ACOX3: variants seen among roughly 807,000 people sequenced by gnomAD.
The protein encoded by ACOX3 is acyl-CoA oxidase 3, pristanoyl, also known as peroxisomal acyl-coenzyme A oxidase 3.
Under a neutral mutation model 81.5 loss-of-function variants are expected in ACOX3, and 73 were observed. The observed-to-expected ratio is 0.90, with a 90% CI of 0.74 to 1.09. ACOX3 has a LOEUF of 1.09. ACOX3 is among the 50% of genes least tolerant of loss of function. The probability of loss-of-function intolerance (pLI) is 0.00; values close to 1 mark genes in which losing one functional copy is unlikely to be tolerated. For synonymous variants in ACOX3, 387 were observed against 375.1 expected (o/e 1.03, Z -0.37); for missense variants, 947 against 928.0 (o/e 1.02, Z -0.27).
rs374436186 is a variant in ACOX3 at position 8,402,738 on chromosome 4, T to C, written c.777-3086A>G. 1.1e-4 allele frequency among the ~76,000 whole-genome samples: 17 copies of C among 152,322 alleles called. No individual in the cohort carries two copies. The East Asian group carries it at 2.5e-3, about 22-fold the overall frequency. ...TGTGCGTGTGTCACAGGTGTGTGTG[T>C]GCACAGCACAGGAGTTGTGTGTGTG... On this transcript the variant is annotated intron_variant, in intron 7 of 17. Transcript: ENST00000356406.
rs1393582899 is a variant in ACOX3 at position 8,375,172 on chromosome 4, C to T, written c.1654-20G>A. On this transcript the variant is annotated intron_variant, in intron 14 of 17. Transcript: ENST00000356406. ...GGACACCTGGAACACAGGACGGCACCGTGAGGACCGTGAGGGTCCCAGCCC... is the reference window on the plus strand; with the variant it reads ...GGACACCTGGAACACAGGACGGCACTGTGAGGACCGTGAGGGTCCCAGCCC... 1.5e-5 allele frequency: 22 copies of T among 1,511,036 alleles called. No individual in the cohort carries two copies. The Admixed American group carries it at 2.6e-4, about 18-fold the overall frequency. 93.6% of individuals were successfully genotyped at this position (1,511,036 alleles called of 1,614,324 possible).
intron 14 of ACOX3, among the ~76,000 whole-genome samples, chr4:8,379,675 C>T (rs557451543): frequency 3.9e-5 from 6 of 152,288 alleles, no homozygotes; most frequent in East Asian, 3.9e-4. Context: ...AAGGACCTAC[C>T]GGGCAGTTCT....
At chr4:8,397,458 C>G (rs956311050) in intron 8 of ACOX3, among the ~76,000 whole-genome samples, 1 of 152,208 alleles carries the variant, frequency 6.6e-6, no homozygotes, top group South Asian at 2.1e-4. Context: ...CAAGGCCCAC[C>G]TTTAACCTTG....
At chr4:8,413,736 CCATCTGTGGCCCGTCTCACTGCA>C (rs1722040055) in intron 5 of ACOX3, among the ~76,000 whole-genome samples, 1 of 152,196 alleles carries the variant, frequency 6.6e-6, no homozygotes, top group Non-Finnish European at 1.5e-5. Flanking sequence ...CCCAGGGCAT[CCATCTGTGGCCCGTCTCACTGCA>C]CCACACCAGA....
rs771884142 is a variant in ACOX3 at position 8,414,961 on chromosome 4, G to C, written c.379-33C>G. Reference sequence around the variant, plus strand: ...TATAACATCGTCCTATCAACAGGGGGCAGGTAAGAAGAGTACTGCTCTTCC... The same window carrying C: ...TATAACATCGTCCTATCAACAGGGGCCAGGTAAGAAGAGTACTGCTCTTCC... On this transcript the variant is annotated intron_variant, in intron 3 of 17. Coordinates refer to ENST00000356406, the MANE Select transcript of ACOX3 (RefSeq NM_003501.3). The surrounding 1 kb of genome is among the most constrained non-coding windows in gnomAD (Gnocchi z 6.1). 6.9e-6 allele frequency: 11 copies of C among 1,601,612 alleles called. No individual in the cohort carries two copies. In the Admixed American group the frequency reaches 1.8e-4, roughly 27 times the overall value.
chr4:8,389,699 G>A lies in ACOX3; in HGVS notation c.1336C>T (p.Pro446Ser), dbSNP rs1718734845. The change falls in exon 12 of 18, where the codon CCC becomes TCC. Residue 446 changes from proline (P) to serine (S), a missense_variant. Pro to Ser is a moderately conservative substitution (Grantham distance 74). Coordinates refer to ENST00000356406, the MANE Select transcript of ACOX3 (RefSeq NM_003501.3). This position sits in a 1 kb window ranked among gnomAD's most constrained non-coding sequence, Gnocchi z 5.3. ...RLGVLRDDND[P>S]NCTYEGDNNI... is the part of the protein sequence containing the mutation. ...TTGTCACCTTCGTATGTGCAGTTGG[G>A]ATCGTTGTCATCTCTAAGGACACCC... 1.2e-6 allele frequency: 2 copies of A among 1,613,940 alleles called. No homozygotes were observed. The highest frequency in any genetic ancestry group is 3.3e-5 in the Admixed American group (2 of 59,994).
chr4:8,363,494 C>A (rs941718929), downstream of ACOX3, among the ~76,000 whole-genome samples: 1 of 152,178 alleles, frequency 6.6e-6, no homozygotes, highest in African/African-American at 2.4e-5. Context: ...GGACCCTATT[C>A]ACCCTGAAGA....
In ACOX3 at chr4:8,415,803, T is replaced by A; in HGVS notation, c.341A>T (p.Asp114Val). 6.2e-7 allele frequency: 1 copy of A among 1,613,530 alleles called. No individual in the cohort carries two copies. The highest frequency in any genetic ancestry group is 8.5e-7 in the Non-Finnish European group (1 of 1,179,916). Residue 114 changes from aspartate to valine, a missense_variant, in exon 3 of 18, where the codon GAC becomes GTC. Coordinates refer to ENST00000356406, the MANE Select transcript of ACOX3 (RefSeq NM_003501.3). The stretch of plus-strand genomic sequence containing the variant: ...GAGGTACTTGGCAGCCAGAGAAGAG[T>A]CATACATGCCCAGGCACTGAATCAA... Reference protein sequence around the residue: ...PALIQCLGMYDSSLAAKYLLH... With the variant: ...PALIQCLGMYVSSLAAKYLLH...
At chr4:8,425,441 T>C (rs931323702) in intron 1 of ACOX3, among the ~76,000 whole-genome samples, 3 of 151,866 alleles carry the variant, frequency 2.0e-5, no homozygotes, top group Admixed American at 2.0e-4. Flanking sequence ...CAATTGAAAT[T>C]ACTTAAAACC....
intron 13 of ACOX3, among the ~76,000 whole-genome samples, chr4:8,383,090 T>C (rs1181554802): frequency 6.6e-6 from 1 of 151,502 alleles, no homozygotes; most frequent in Non-Finnish European, 1.5e-5. Flanking sequence ...CCTCACGGCA[T>C]AACTGAGAAG....
rs911505185 is a variant in ACOX3 at position 8,400,750 on chromosome 4, G to A, written c.777-1098C>T. Reference sequence around the variant, plus strand: ...TCTGATTCCTAAGTTCACTTGCAATGCCTTAGGGCAGCAGTCCGCAACCTT... The same window carrying A: ...TCTGATTCCTAAGTTCACTTGCAATACCTTAGGGCAGCAGTCCGCAACCTT... On this transcript the variant is annotated intron_variant, in intron 7 of 17. Coordinates refer to ENST00000356406, the MANE Select transcript of ACOX3 (RefSeq NM_003501.3). The surrounding 1 kb of genome is among the most constrained non-coding windows in gnomAD (Gnocchi z 4.4). 6.6e-6 allele frequency among the ~76,000 whole-genome samples: 1 copy of A among 152,184 alleles called. No individual in the cohort carries two copies.
At chr4:8,373,382 T>G (rs539411373) in intron 16 of ACOX3, among the ~76,000 whole-genome samples, 179 bp downstream of exon 16, 1 of 147,158 alleles carries the variant, frequency 6.8e-6, no homozygotes. Flanking sequence ...GCTAAGGGGG[T>G]GCGTGTCGGT....
intron 1 of ACOX3, among the ~76,000 whole-genome samples, chr4:8,429,224 G>A (rs920254988): frequency 5.9e-5 from 9 of 152,182 alleles, no homozygotes; most frequent in Non-Finnish European, 7.3e-5. Flanking sequence ...TCTTTGAGAC[G>A]AATTAAGAGT....
rs756239104 is a variant in ACOX3, at chr4:8,416,511, G to A, written c.11C>T (p.Thr4Ile). The A allele has an allele frequency of 1.0e-5, 16 of 1,607,538 alleles. No homozygotes were observed. The highest frequency in any genetic ancestry group is 1.3e-5 in the African/African-American group (1 of 74,660). Reference protein sequence around the residue: MASTVEGGDTALLP... With the variant: MASIVEGGDTALLP... ...CAGAGCTGTGTCGCCTCCTTCCACA[G>A]TGGATGCCATCGCGTGATAAGAGCC... Residue 4 changes from threonine (T) to isoleucine (I), a missense_variant, in exon 2 of 18, where the codon ACT (threonine) becomes ATT (isoleucine). Transcript: ENST00000356406. This position sits in a 1 kb window ranked among gnomAD's most constrained non-coding sequence, Gnocchi z 4.2.
chr4:8,375,242 GGGTCT>G lies in ACOX3; in HGVS notation c.1654-95_1654-91del, dbSNP rs1340733273. ...GGAAGTTCTCAGGAAACACGAACGC[GGGTCT>G]GCGTTCCCGTGCATGTCCTAGGACA... On this transcript the variant is annotated intron_variant, in intron 14 of 17. Coordinates refer to ENST00000356406, the MANE Select transcript of ACOX3 (RefSeq NM_003501.3). 3 of 1,292,594 alleles carry G rather than the reference GGGTCT, an allele frequency of 2.3e-6. No individual in the cohort carries two copies. The East Asian group carries it at 7.7e-5, about 33-fold the overall frequency. The allele number at this position is 1,292,594 out of a possible 1,614,324, so 80.1% of individuals were successfully genotyped here.
rs1029597788 is a variant in ACOX3, at chr4:8,375,054, C to T, written c.1752G>A (p.Leu584=). Residue 584 remains leucine (L), a synonymous_variant, in exon 15 of 18, where the codon CTG becomes CTA. Transcript: ENST00000356406. ...CACTGAGCCGCCCCAGCACGGCCCG[C>T]AGCGAGGGCGGCACGGAAGGCTGGT... is the stretch of plus-strand genomic sequence containing the variant. ...HVHQPSVPPS[L]RAVLGRLSAL... 23 of 1,554,716 alleles carry T rather than the reference C, an allele frequency of 1.5e-5. No individual in the cohort carries two copies. In the African/African-American group the frequency reaches 2.7e-4, roughly 18 times the overall value.
chr4:8,368,730 CTT>C lies in ACOX3; in HGVS notation c.1984-1652_1984-1651del, dbSNP rs1427735857. ...GTTCCTTGCAACTGGAAGGAATGCA[CTT>C]TTTTTTTTTTTTTTGAGATGAGGTC... On this transcript the variant is annotated intron_variant, in intron 17 of 17. Transcript: ENST00000356406. This position sits in a 1 kb window ranked among gnomAD's most constrained non-coding sequence, Gnocchi z 5.9. Among the ~76,000 whole-genome samples, 9 of 139,220 alleles carry C rather than the reference CTT, an allele frequency of 6.5e-5. No homozygotes were observed. Among genetic ancestry groups the C allele is most frequent in the South Asian group, 2.3e-4 (1 of 4,292 alleles). 91.3% of individuals were successfully genotyped at this position (139,220 alleles called of 152,430 possible). A position where few individuals can be genotyped will look rare whatever the true frequency, so the allele number is the denominator to read the frequency against.
Position 8,366,981 on chromosome 4 carries a change from T to G in ACOX3, c.2083A>C (p.Ser695Arg). The G allele has an allele frequency of 6.2e-7, 1 of 1,614,080 alleles. No homozygotes were observed. The highest frequency in any genetic ancestry group is 8.5e-7 in the Non-Finnish European group (1 of 1,179,974). The change falls in exon 18 of 18, where the codon AGT (serine) becomes CGT (arginine). Residue 695 changes from serine (S) to arginine (R), a missense_variant. Physicochemically the swap from Ser to Arg is moderately radical, Grantham distance 110. Coordinates refer to ENST00000356406, the MANE Select transcript of ACOX3 (RefSeq NM_003501.3). ...TCCCACTAGAGCTTCGATTTCAGACTTCCTATGACAGGTTTGTTCACAGAA... is the reference window on the plus strand; with the variant it reads ...TCCCACTAGAGCTTCGATTTCAGACGTCCTATGACAGGTTTGTTCACAGAA... ...EFSVNKPVIG[S>R]LKSKL is the part of the protein sequence containing the mutation.
intron 10 of ACOX3, 113 bp from the exon 11 acceptor site, chr4:8,392,566 A>T: frequency 8.3e-7 from 1 of 1,211,352 alleles, no homozygotes; most frequent in South Asian, 2.1e-5. Context: ...AATACAAGAC[A>T]TCCCGAAAAT....
Sources: gnomAD v4.1 joint callset for allele counts (sites outside exome capture counted in the v4.1 genomes callset) on GRCh38, gnomAD v4.1.1 for gene constraint, Gnocchi (gnomAD v3.1) non-coding constraint, MANE v1.5 for transcripts, NCBI Gene and HGNC (gene_info 2026-07-23, HGNC 2026-07-21) for gene names.